Variants in KNL1 observed in about 807,000 individuals in gnomAD.
The protein encoded by KNL1 is kinetochore scaffold 1, also known as outer kinetochore KNL1 complex subunit KNL1.
A neutral mutation model predicts 201.3 loss-of-function variants in KNL1; 66 were observed. The ratio of observed to expected loss-of-function variants is 0.33; its 90% CI spans 0.27 to 0.40. KNL1 has a LOEUF of 0.40. Ranked by LOEUF, KNL1 falls within the 10% of genes least tolerant of loss-of-function variation. KNL1 has a pLI of 1.00. For missense variants in KNL1, 2,815 were observed against 2,690.5 expected (o/e 1.05, Z -1.02); for synonymous variants, 895 against 899.2 (o/e 1.00, Z 0.08).
At position 40,648,965 on chromosome 15, in the gene KNL1, G is replaced by A. The variant is rs1383322439; in HGVS notation, c.6095-1336G>A. On this transcript the variant is annotated intron_variant, in intron 17 of 25. Transcript: ENST00000399668. ...CTGCCTGAGCTTCCCGAGTAGCTGG[G>A]ATTACAGGCATGCACCACCAGGCCC... Among the ~76,000 whole-genome samples the A allele has an allele frequency of 3.3e-5, 5 of 151,198 alleles. No homozygotes were observed. The East Asian group carries it at 9.7e-4, about 29-fold the overall frequency.
chr15:40,650,620 T>C, intron 19 of KNL1, 37 bp downstream of exon 19: 1 of 1,517,572 alleles, frequency 6.6e-7, no homozygotes, highest in Non-Finnish European at 8.8e-7. Context: ...AATATAATGC[T>C]AAATCACAGA....
rs769524738 is a variant in KNL1 at position 40,608,867 on chromosome 15, TAAG to T, written c.159_161del (p.Lys54del). 1.2e-6 allele frequency: 2 copies of T among 1,610,850 alleles called. No individual in the cohort carries two copies. The highest frequency in any genetic ancestry group is 1.7e-6 in the Non-Finnish European group (2 of 1,178,020). On this transcript the variant is annotated inframe_deletion, in exon 5 of 26. Transcript: ENST00000399668. Reference sequence around the variant, plus strand: ...CTTAGGAATCCAATGCTTTGAGAAATAAGAAAAACTCTCGTCGAGTCAGCTTTG... The same window carrying T: ...CTTAGGAATCCAATGCTTTGAGAAATAAAAACTCTCGTCGAGTCAGCTTTG...
Position 40,644,655 on chromosome 15 carries a change from T to C in KNL1, c.5799-342T>C, listed in dbSNP as rs139101231. ...GGTCCCTGCGGCTTTCCGCAGTGCA[T>C]TGTGCCCCTGGTTTATTGAGACTAG... On this transcript the variant is annotated intron_variant, in intron 14 of 25. Transcript: ENST00000399668. Among the ~76,000 whole-genome samples the C allele has an allele frequency of 1.5e-3, 223 of 152,380 alleles. 3 individuals are homozygous for C. The East Asian group carries it at 0.034, about 23-fold the overall frequency.
chr15:40,611,929 G>A (rs1020535402), intron 7 of KNL1, among the ~76,000 whole-genome samples: 32 of 152,082 alleles, frequency 2.1e-4, no homozygotes, highest in African/African-American at 6.5e-4. Flanking sequence ...CCTGTAATCC[G>A]AGCACTTTGG....
At chr15:40,614,582 C>T (rs1346452296) in intron 7 of KNL1, among the ~76,000 whole-genome samples, 1 of 152,154 alleles carries the variant, frequency 6.6e-6, no homozygotes, top group African/African-American at 2.4e-5. Context: ...CCACTGTTGA[C>T]AATTTTTGGT....
At chr15:40,633,910 C>G (rs1052518587) in intron 13 of KNL1, among the ~76,000 whole-genome samples, 1 of 152,108 alleles carries the variant, frequency 6.6e-6, no homozygotes, top group Admixed American at 6.6e-5. Context: ...TCAGGCAAGT[C>G]CTTCAGGAGT....
At chr15:40,598,804 T>G (rs1268820686) in intron 1 of KNL1, among the ~76,000 whole-genome samples, 2 of 152,120 alleles carry the variant, frequency 1.3e-5, no homozygotes, top group African/African-American at 4.8e-5. Flanking sequence ...AAAAAGAAAT[T>G]TTTTTAAATT....
rs372154141 is a variant in KNL1, at chr15:40,625,659, C to T, written c.5376+19C>T. Reference sequence around the variant, plus strand: ...TCGGGAGGTGAGCTCTGTCTTGAACCAAAGAATGTTCTTGAATTTTGGGTT... The same window carrying T: ...TCGGGAGGTGAGCTCTGTCTTGAACTAAAGAATGTTCTTGAATTTTGGGTT... On this transcript the variant is annotated intron_variant, in intron 10 of 25. Transcript: ENST00000399668. 6.3e-7 allele frequency: 1 copy of T among 1,580,826 alleles called. No homozygotes were observed.
chr15:40,658,561 C>CA (rs35180053), intron 24 of KNL1, among the ~76,000 whole-genome samples: 1,197 of 74,176 alleles, frequency 0.016, 38 homozygotes, highest in African/African-American at 0.059. Context: ...GAATCTGTCT[C>CA]AAAAAAAAAA....
chr15:40,604,726 A>G (rs1294528597), intron 2 of KNL1, among the ~76,000 whole-genome samples: 1 of 151,980 alleles, frequency 6.6e-6, no homozygotes, highest in Non-Finnish European at 1.5e-5. Flanking sequence ...AACACTACCT[A>G]TTTTTCTTGC....
At chr15:40,646,952 G>T in intron 16 of KNL1, 35 bp from the exon 17 acceptor site, 1 of 898,602 alleles carries the variant, frequency 1.1e-6, no homozygotes, top group South Asian at 1.3e-5. Context: ...TTCTTTAGAG[G>T]TTTAACTTGA....
chr15:40,625,665 A>G (rs570770857), intron 10 of KNL1, 25 bp downstream of exon 10: 1 of 1,571,140 alleles, frequency 6.4e-7, no homozygotes, highest in Non-Finnish European at 8.7e-7. Context: ...GAACCAAAGA[A>G]TGTTCTTGAA....
rs754451523 is a variant in KNL1, at chr15:40,624,306, G to C, written c.4042G>C (p.Glu1348Gln). The C allele has an allele frequency of 1.2e-5, 20 of 1,613,936 alleles. No individual in the cohort carries two copies. The highest frequency in any genetic ancestry group is 1.6e-5 in the Non-Finnish European group (19 of 1,179,962). The part of the protein sequence containing the change: ...DLAYANDFAS[E>Q]YYLESEGQPL... ...TGCTTATGCAAATGATTTTGCCAGTGAATATTACTTGGAATCTGAGGGACA... is the reference window on the plus strand; with the variant it reads ...TGCTTATGCAAATGATTTTGCCAGTCAATATTACTTGGAATCTGAGGGACA... Residue 1348 changes from glutamate to glutamine, a missense_variant, in exon 10 of 26, where the codon GAA becomes CAA. Physicochemically the swap from Glu to Gln is conservative, Grantham distance 29. Coordinates refer to ENST00000399668, the MANE Select transcript of KNL1 (RefSeq NM_144508.5).
chr15:40,605,618 T>G (rs1211833676), intron 3 of KNL1, among the ~76,000 whole-genome samples: 1 of 152,160 alleles, frequency 6.6e-6, no homozygotes, highest in African/African-American at 2.4e-5. Flanking sequence ...GTGGCTAATT[T>G]TTTTATTTTT....
chr15:40,605,495 A>C (rs936461239), intron 3 of KNL1, among the ~76,000 whole-genome samples: 1 of 152,236 alleles, frequency 6.6e-6, no homozygotes, highest in African/African-American at 2.4e-5. Flanking sequence ...TCTGTCGCCC[A>C]GGCTGGAGCG....
intron 4 of KNL1, among the ~76,000 whole-genome samples, chr15:40,607,756 C>T (rs1007557390): frequency 1.3e-5 from 2 of 151,986 alleles, no homozygotes; most frequent in Non-Finnish European, 2.9e-5. Flanking sequence ...AATGAGATAT[C>T]ACCTCACACC....
chr15:40,657,969 G>T (rs755643370), intron 24 of KNL1, among the ~76,000 whole-genome samples: 2 of 151,988 alleles, frequency 1.3e-5, no homozygotes, highest in Non-Finnish European at 2.9e-5. Flanking sequence ...GTAAGTTCTT[G>T]GTCAAGTTGG....
intron 2 of KNL1, among the ~76,000 whole-genome samples, chr15:40,604,234 G>A (rs748756896): frequency 1.5e-5 from 1 of 65,220 alleles, no homozygotes; most frequent in Non-Finnish European, 4.5e-5. Flanking sequence ...TGAGAACCAG[G>A]AAAATTGAGA....
chr15:40,618,969 A>G lies in KNL1; in HGVS notation c.333A>G (p.Thr111=), dbSNP rs762184619. The change falls in exon 9 of 26, where the codon ACA becomes ACG. Residue 111 remains threonine (T), a synonymous_variant. Coordinates refer to ENST00000399668, the MANE Select transcript of KNL1 (RefSeq NM_144508.5). ...DNYCEITGMN[T]LLSAPIHTQM... is the part of the protein sequence containing the mutation. ...CTTTTTTCTAAATAGGGATGAACAC[A>G]TTGCTTTCTGCTCCCATTCATACCC... is the stretch of plus-strand genomic sequence containing the variant. 1.2e-6 allele frequency: 2 copies of G among 1,607,542 alleles called. No homozygotes were observed. The highest frequency in any genetic ancestry group is 1.1e-5 in the South Asian group (1 of 90,850).
Sources: gnomAD v4.1 joint callset for allele counts (sites outside exome capture counted in the v4.1 genomes callset) on GRCh38, gnomAD v4.1.1 for gene constraint, MANE v1.5 for transcripts, NCBI Gene and HGNC (gene_info 2026-07-23, HGNC 2026-07-21) for gene names.